The following HS2ST1 variants were observed in gnomAD, a reference collection of about 807,000 sequenced individuals.
HS2ST1 encodes heparan sulfate 2-O-sulfotransferase 1.
In HS2ST1, 18 loss-of-function variants were observed where a neutral mutation model predicts 42.9. The observed-to-expected ratio is 0.42, with a 90% confidence interval of 0.29 to 0.62. HS2ST1 has a LOEUF of 0.62. Ranked by LOEUF, HS2ST1 falls within the 20% of genes least tolerant of loss-of-function variation. The pLI, the probability that HS2ST1 is intolerant of heterozygous loss-of-function variation, is 0.21. For missense variants in HS2ST1, 334 were observed against 433.8 expected (o/e 0.77, Z 2.04); for synonymous variants, 146 against 152.9 (o/e 0.95, Z 0.33).
At chr1:86,935,051 T>C (rs1424665237) in intron 1 of HS2ST1, among the ~76,000 whole-genome samples, 1 of 152,066 alleles carries the variant, frequency 6.6e-6, no homozygotes, top group Non-Finnish European at 1.5e-5. Flanking sequence ...CTTAATGATA[T>C]TTCCTTTTCT....
At chr1:87,077,185 A>G (rs1242054338) in intron 2 of HS2ST1, among the ~76,000 whole-genome samples, 1 of 152,232 alleles carries the variant, frequency 6.6e-6, no homozygotes, top group East Asian at 1.9e-4. Flanking sequence ...CAGTAGGGAT[A>G]TGGGAAGATG....
intron 1 of HS2ST1, among the ~76,000 whole-genome samples, chr1:87,029,095 A>G (rs1323466678): frequency 6.6e-6 from 1 of 152,168 alleles, no homozygotes. Context: ...TTTTAAAATA[A>G]TAAATCTGGA....
At chr1:87,034,532 A>G (rs77926168) in intron 1 of HS2ST1, among the ~76,000 whole-genome samples, 2,189 of 152,340 alleles carry the variant, frequency 0.014, 31 homozygotes, top group Non-Finnish European at 0.025. Context: ...GAACCATTCA[A>G]CGAACTACTT....
intron 1 of HS2ST1, among the ~76,000 whole-genome samples, chr1:87,012,934 C>T (rs1244475573): frequency 1.3e-5 from 2 of 152,198 alleles, no homozygotes; most frequent in African/African-American, 2.4e-5. Flanking sequence ...TATCTTACAT[C>T]CAGGTCACGC....
intron 1 of HS2ST1, among the ~76,000 whole-genome samples, chr1:86,941,474 A>T (rs746455148): frequency 1.3e-4 from 19 of 151,118 alleles, no homozygotes; most frequent in East Asian, 5.8e-4. Flanking sequence ...ATCTACATTT[A>T]TAAAAAAAAA....
intron 1 of HS2ST1, among the ~76,000 whole-genome samples, chr1:86,960,227 C>CAAAAAA (rs145286319): frequency 3.8e-5 from 5 of 131,452 alleles, no homozygotes; most frequent in Non-Finnish European, 6.3e-5. Flanking sequence ...TCCACGCCAC[C>CAAAAAA]AAAAAAAAAA....
chr1:87,100,927 A>AG (rs1491461717), intron 5 of HS2ST1, among the ~76,000 whole-genome samples: 1 of 152,086 alleles, frequency 6.6e-6, no homozygotes, highest in African/African-American at 2.4e-5. Flanking sequence ...AACAACAAAA[A>AG]GAGGGGGCTT....
At chr1:87,011,541 C>T (rs1216884730) in intron 1 of HS2ST1, among the ~76,000 whole-genome samples, 2 of 152,182 alleles carry the variant, frequency 1.3e-5, no homozygotes, top group African/African-American at 2.4e-5. Context: ...CTGTGCCCAG[C>T]TGTTCCCCAG....
At chr1:86,998,493 A>G (rs1207592921) in intron 1 of HS2ST1, among the ~76,000 whole-genome samples, 1 of 152,184 alleles carries the variant, frequency 6.6e-6, no homozygotes, top group Admixed American at 6.5e-5. Context: ...GAGTGACATA[A>G]TGTCTCTAGT....
At chr1:87,055,164 C>T (rs1174030626) in intron 1 of HS2ST1, among the ~76,000 whole-genome samples, 1 of 152,180 alleles carries the variant, frequency 6.6e-6, no homozygotes, top group Non-Finnish European at 1.5e-5. Context: ...TGTTCTTACA[C>T]AAGCTTGAAA....
chr1:86,922,169 GT>G (rs141078792), intron 1 of HS2ST1, among the ~76,000 whole-genome samples: 6 of 145,254 alleles, frequency 4.1e-5, no homozygotes, highest in South Asian at 2.2e-4. Context: ...CTTTGTTGTT[GT>G]TTTTTTTTTA....
intron 4 of HS2ST1, among the ~76,000 whole-genome samples, chr1:87,093,977 T>A (rs1422878222): frequency 1.3e-5 from 2 of 152,074 alleles, no homozygotes; most frequent in African/African-American, 4.8e-5. Flanking sequence ...AATAATGCTA[T>A]CTCTCAGCAT....
intron 1 of HS2ST1, among the ~76,000 whole-genome samples, chr1:86,983,887 A>T (rs553157839): frequency 3.3e-5 from 5 of 152,242 alleles, no homozygotes; most frequent in Admixed American, 2.6e-4. Flanking sequence ...TAAAAATACA[A>T]AAATTAGCTG....
At chr1:87,006,172 GTT>G (rs1447420410) in intron 1 of HS2ST1, among the ~76,000 whole-genome samples, 1 of 152,096 alleles carries the variant, frequency 6.6e-6, no homozygotes, top group African/African-American at 2.4e-5. Context: ...AATGCTTACT[GTT>G]TTCCTTGTAA....
chr1:87,086,582 C>T (rs975594522), intron 3 of HS2ST1, among the ~76,000 whole-genome samples: 1 of 151,932 alleles, frequency 6.6e-6, no homozygotes, highest in Non-Finnish European at 1.5e-5. Flanking sequence ...CCCAAGAAAC[C>T]TAGGAAATAA....
At chr1:87,020,026 A>G (rs1011351148) in intron 1 of HS2ST1, among the ~76,000 whole-genome samples, 1 of 152,186 alleles carries the variant, frequency 6.6e-6, no homozygotes, top group Non-Finnish European at 1.5e-5. Context: ...TTTTGTTTCT[A>G]TTAGCATGGA....
chr1:87,088,485 T>G (rs1400854358), intron 3 of HS2ST1, among the ~76,000 whole-genome samples: 2 of 152,074 alleles, frequency 1.3e-5, no homozygotes, highest in African/African-American at 4.8e-5. Context: ...TTGAGGTTGT[T>G]TATGGCTTTT....
At chr1:87,036,286 A>G (rs1650374387) in intron 1 of HS2ST1, among the ~76,000 whole-genome samples, 1 of 152,190 alleles carries the variant, frequency 6.6e-6, no homozygotes, top group Non-Finnish European at 1.5e-5. Flanking sequence ...TCTTTATAGC[A>G]CATGATTTAT....
intron 1 of HS2ST1, among the ~76,000 whole-genome samples, chr1:86,983,379 A>G (rs7527182): frequency 0.89 from 136,024 of 152,152 alleles, 61,235 homozygotes; most frequent in East Asian, 0.99. Context: ...AGGTGAAGGG[A>G]AAACAAGGCA....
Sources: allele counts gnomAD v4.1 joint callset (sites outside exome capture counted in the v4.1 genomes callset), GRCh38; gene constraint gnomAD v4.1.1; transcripts MANE v1.5; gene names NCBI Gene and HGNC (gene_info 2026-07-23, HGNC 2026-07-21).